REDIC1: variants seen among roughly 807,000 people sequenced by gnomAD.
REDIC1 encodes HEI10 Interacting Protein 1.
the REDIC1 span, among the ~76,000 whole-genome samples, chr12:39,866,829 T>C: frequency 1.3e-5 from 2 of 152,154 alleles, no homozygotes; most frequent in African/African-American, 4.8e-5. Context: ...ATGATTATTA[T>C]TACAAGCAGC....
chr12:39,791,071 G>C, the REDIC1 span, among the ~76,000 whole-genome samples: 8 of 142,630 alleles, frequency 5.6e-5, no homozygotes, highest in African/African-American at 2.1e-4. Flanking sequence ...GGGGTTGTTT[G>C]TTTTTTTCTT....
At chr12:39,730,413 G>T in the REDIC1 span, among the ~76,000 whole-genome samples, 3 of 152,040 alleles carry the variant, frequency 2.0e-5, no homozygotes, top group Admixed American at 2.0e-4. Flanking sequence ...TCCTTCTCTT[G>T]TGAAGCTTAG....
chr12:39,845,796 A>G, the REDIC1 span, among the ~76,000 whole-genome samples: 1 of 152,156 alleles, frequency 6.6e-6, no homozygotes, highest in Non-Finnish European at 1.5e-5. Flanking sequence ...AATGAAACCA[A>G]TAGGAATTAG....
chr12:39,790,669 G>A, the REDIC1 span, among the ~76,000 whole-genome samples: 1,506 of 110,558 alleles, frequency 0.014, 9 homozygotes, highest in Middle Eastern at 0.036. Flanking sequence ...GAATAATGCC[G>A]CAATAAACAT....
the REDIC1 span, among the ~76,000 whole-genome samples, chr12:39,808,498 AT>A: frequency 6.6e-6 from 1 of 152,152 alleles, no homozygotes; most frequent in African/African-American, 2.4e-5. Context: ...AAAAGATGTG[AT>A]TAACTTCAGA....
chr12:39,770,485 A>C, the REDIC1 span, among the ~76,000 whole-genome samples: 3 of 152,200 alleles, frequency 2.0e-5, no homozygotes, highest in Non-Finnish European at 4.4e-5. Context: ...ATTAGCAATA[A>C]CAGTTATGAA....
chr12:39,893,793 C>A, the REDIC1 span, among the ~76,000 whole-genome samples: 1 of 152,160 alleles, frequency 6.6e-6, no homozygotes, highest in African/African-American at 2.4e-5. Context: ...ACATTTTCTG[C>A]AATTTACTTT....
chr12:39,870,677 C>T, the REDIC1 span, among the ~76,000 whole-genome samples: 1 of 152,122 alleles, frequency 6.6e-6, no homozygotes, highest in Non-Finnish European at 1.5e-5. Flanking sequence ...TGGCTGTTGG[C>T]AATCATGTTT....
chr12:39,851,967 A>G, the REDIC1 span, among the ~76,000 whole-genome samples: 7 of 152,214 alleles, frequency 4.6e-5, no homozygotes. Context: ...TGTCTTATAT[A>G]TCTTTTATAC....
the REDIC1 span, among the ~76,000 whole-genome samples, chr12:39,890,786 T>C: frequency 6.6e-6 from 1 of 152,218 alleles, no homozygotes. Context: ...GTTATGGGAC[T>C]GATTAAACAA....
chr12:39,895,452 T>C, the REDIC1 span, among the ~76,000 whole-genome samples: 3 of 127,692 alleles, frequency 2.3e-5, no homozygotes, highest in African/African-American at 9.2e-5. Context: ...ATCGTGCCAC[T>C]GCACTCCAGC....
the REDIC1 span, chr12:39,692,297 CAT>C: frequency 4.2e-6 from 2 of 479,936 alleles, no homozygotes; most frequent in Non-Finnish European, 6.9e-6. Flanking sequence ...TACATGAGTA[CAT>C]TAATGTATAG....
At chr12:39,779,496 C>T in the REDIC1 span, among the ~76,000 whole-genome samples, 2 of 152,148 alleles carry the variant, frequency 1.3e-5, no homozygotes, top group Non-Finnish European at 2.9e-5. Flanking sequence ...CTTCCCCAGG[C>T]GTCATAGGCC....
the REDIC1 span, among the ~76,000 whole-genome samples, chr12:39,685,114 T>C: frequency 6.6e-6 from 1 of 152,206 alleles, no homozygotes; most frequent in Non-Finnish European, 1.5e-5. Flanking sequence ...TAAAAACACG[T>C]TTTCAGAGAC....
chr12:39,627,946 A>G, the REDIC1 span, among the ~76,000 whole-genome samples: 1 of 152,206 alleles, frequency 6.6e-6, no homozygotes, highest in African/African-American at 2.4e-5. Context: ...GAAGCTGGCA[A>G]GCTTTGACTG....
the REDIC1 span, among the ~76,000 whole-genome samples, chr12:39,899,898 C>T: frequency 6.6e-6 from 1 of 151,978 alleles, no homozygotes; most frequent in Admixed American, 6.6e-5. Flanking sequence ...GCTTTCCTTC[C>T]AACTATGTGG....
chr12:39,824,911 G>A, the REDIC1 span, among the ~76,000 whole-genome samples: 4 of 152,158 alleles, frequency 2.6e-5, no homozygotes, highest in Non-Finnish European at 2.9e-5. Flanking sequence ...GGCACAGTGT[G>A]AGAAAAGACA....
At chr12:39,726,067 C>A in the REDIC1 span, among the ~76,000 whole-genome samples, 1 of 152,072 alleles carries the variant, frequency 6.6e-6, no homozygotes, top group Non-Finnish European at 1.5e-5. Context: ...CTTGTACCAG[C>A]AAAACTATTT....
chr12:39,879,327 T>A, the REDIC1 span, among the ~76,000 whole-genome samples: 1 of 152,212 alleles, frequency 6.6e-6, no homozygotes, highest in African/African-American at 2.4e-5. Flanking sequence ...CACCATCCTC[T>A]AGACCCCAGA....
Sources: gnomAD v4.1 joint callset for allele counts (sites outside exome capture counted in the v4.1 genomes callset) on GRCh38, gnomAD v4.1.1 for gene constraint, MANE v1.5 for transcripts, NCBI Gene and HGNC (gene_info 2026-07-23, HGNC 2026-07-21) for gene names.